Variants in PTK2 observed in about 807,000 individuals in gnomAD.
The protein encoded by PTK2 is protein tyrosine kinase 2, also known as focal adhesion kinase 1.
PTK2 carries 45 observed loss-of-function variants against 150.1 expected under a neutral mutation model. That is an observed-to-expected ratio of 0.30 (90% CI 0.24 to 0.38). The LOEUF (loss-of-function observed/expected upper bound fraction) is 0.38. Among genes scored for constraint, PTK2 ranks in the 10% least tolerant of loss-of-function variants. The pLI is 1.00. For synonymous variants in PTK2, 432 were observed against 449.2 expected, an observed-to-expected ratio of 0.96 and a Z score of 0.48; for missense variants, 919 against 1,307.3, an observed-to-expected ratio of 0.70 and a Z score of 4.58.
intron 13 of PTK2, among the ~76,000 whole-genome samples, chr8:140,791,485 T>A (rs1327752342): frequency 6.6e-6 from 1 of 152,146 alleles, no homozygotes; most frequent in East Asian, 1.9e-4. Flanking sequence ...AAGCTAGAGG[T>A]GCACTAGCCA....
chr8:140,768,610 A>G (rs1262059236), intron 14 of PTK2, among the ~76,000 whole-genome samples: 1 of 152,216 alleles, frequency 6.6e-6, no homozygotes, highest in Non-Finnish European at 1.5e-5. Context: ...TCCTCTGATT[A>G]TCACTTTCCT....
At chr8:140,735,520 G>C in intron 21 of PTK2, 65 bp from the exon 25 acceptor site, 2 of 1,535,406 alleles carry the variant, frequency 1.3e-6, no homozygotes, top group Non-Finnish European at 1.8e-6. Context: ...CCAGGTTCCA[G>C]GAACATTGTT....
In PTK2 at chr8:140,671,788, T is replaced by C. The variant is rs551165512; in HGVS notation, c.2709+2510A>G. On this transcript the variant is annotated intron_variant, in intron 29 of 31. Transcript: ENST00000522684. ...AAAAAAAAAAAAAAAAAAAATTAGA[T>C]GGGCCTGGTGGCGGGTGCCTGTAGT... Among the ~76,000 whole-genome samples, 12 of 142,598 alleles carry C rather than the reference T, an allele frequency of 8.4e-5. No homozygotes were observed. In the East Asian group the frequency reaches 1.7e-3, roughly 20 times the overall value. The allele number at this position is 142,598 out of a possible 152,430, so 93.5% of individuals were successfully genotyped here.
intron 4 of PTK2, among the ~76,000 whole-genome samples, chr8:140,878,357 T>G (rs991306758): frequency 6.6e-6 from 1 of 152,204 alleles, no homozygotes; most frequent in Non-Finnish European, 1.5e-5. Flanking sequence ...CCCAACACTT[T>G]GGGAGGCCAA....
At position 140,713,819 on chromosome 8, in the gene PTK2, T is replaced by A. The variant is rs190611974; in HGVS notation, c.2142+3779A>T. 5.9e-5 allele frequency among the ~76,000 whole-genome samples: 9 copies of A among 152,372 alleles called. No individual in the cohort carries two copies. The East Asian group carries it at 1.3e-3, about 23-fold the overall frequency. ...TGAAGTGATCCATACATATTCTTAA[T>A]AATTGGCTTTGTGGTTATAATGCTT... On this transcript the variant is annotated intron_variant, in intron 23 of 31. Transcript: ENST00000522684.
intron 31 of PTK2, among the ~76,000 whole-genome samples, chr8:140,662,070 G>T (rs1361657969): frequency 6.6e-6 from 1 of 152,212 alleles, no homozygotes; most frequent in East Asian, 1.9e-4. Flanking sequence ...GACCGAGGTA[G>T]GAGGATGGCT....
intron 1 of PTK2, among the ~76,000 whole-genome samples, chr8:140,941,503 A>G (rs973683589): frequency 6.6e-6 from 1 of 152,238 alleles, no homozygotes; most frequent in East Asian, 1.9e-4. Flanking sequence ...CACACATTAT[A>G]GTATATCCTG....
At position 140,910,553 on chromosome 8, in the gene PTK2, T is replaced by TTG. The variant is rs1354216313; in HGVS notation, c.-33+15107_-33+15108insCA. Among the ~76,000 whole-genome samples, 514 of 152,288 alleles carry TTG rather than the reference T, an allele frequency of 3.4e-3. 6 individuals carry two copies. The highest frequency in any genetic ancestry group is 0.012 in the African/African-American group (485 of 41,540). On this transcript the variant is annotated intron_variant, in intron 2 of 31. Coordinates refer to ENST00000522684, the Ensembl canonical transcript of PTK2. ...ATTAAGGGACTCCAACCCTTGAAAGTGACTGCTATAGAAGTCTTTCTTCTA... is the reference window on the plus strand; with the variant it reads ...ATTAAGGGACTCCAACCCTTGAAAGTTGGACTGCTATAGAAGTCTTTCTTCTA...
chr8:140,752,357 AG>A (rs2100063271), intron 16 of PTK2, 41 bp from the exon 20 acceptor site: 1 of 1,563,468 alleles, frequency 6.4e-7, no homozygotes, highest in African/African-American at 1.4e-5. Context: ...ACATGCAAAA[AG>A]GTTTGCTATA....
chr8:140,765,574 C>A (rs2100071821), intron 14 of PTK2, among the ~76,000 whole-genome samples: 1 of 152,038 alleles, frequency 6.6e-6, no homozygotes, highest in Non-Finnish European at 1.5e-5. Flanking sequence ...TCCTATATGA[C>A]AGGCAGATAA....
intron 29 of PTK2, 70 bp downstream of exon 33, chr8:140,669,657 A>G (rs548785021): frequency 2.2e-5 from 33 of 1,469,422 alleles, no homozygotes; most frequent in Non-Finnish European, 3.0e-5. Context: ...TTTCCAGTCC[A>G]AAGTTACATG....
intron 7 of PTK2, among the ~76,000 whole-genome samples, chr8:140,840,395 AAAT>A (rs1187603913): frequency 6.6e-6 from 1 of 151,682 alleles, no homozygotes; most frequent in Admixed American, 6.6e-5. Flanking sequence ...GGAAAGCCAA[AAAT>A]AATAACTGTA....
chr8:140,680,835 C>T (rs1399337620), intron 27 of PTK2, among the ~76,000 whole-genome samples: 2 of 151,284 alleles, frequency 1.3e-5, no homozygotes, highest in African/African-American at 4.9e-5. Flanking sequence ...CGACTGGGTG[C>T]TATTTTATAT....
intron 1 of PTK2, among the ~76,000 whole-genome samples, chr8:140,928,873 T>A (rs1057267263): frequency 6.6e-6 from 1 of 151,702 alleles, no homozygotes; most frequent in African/African-American, 2.4e-5. Flanking sequence ...AAATGTAATA[T>A]ACTTAATACT....
chr8:140,979,612 A>C, intron 1 of PTK2, among the ~76,000 whole-genome samples: 1 of 152,322 alleles, frequency 6.6e-6, no homozygotes, highest in Middle Eastern at 3.4e-3. Context: ...GGAGTGATAC[A>C]GTTTGGCTGT....
At chr8:140,959,379 A>C (rs1197953221) in intron 1 of PTK2, among the ~76,000 whole-genome samples, 1 of 151,586 alleles carries the variant, frequency 6.6e-6, no homozygotes, top group Non-Finnish European at 1.5e-5. Context: ...AAATACAAAA[A>C]AAAAAAAAAA....
intron 1 of PTK2, among the ~76,000 whole-genome samples, chr8:140,965,418 T>C (rs1368220391): frequency 6.6e-6 from 1 of 152,138 alleles, no homozygotes; most frequent in Non-Finnish European, 1.5e-5. Context: ...CTTCACTCAA[T>C]ATAGGTTATT....
At chr8:140,789,504 C>T (rs146526688) in exon 14 of PTK2, 5 of 1,613,436 alleles carry the variant, frequency 3.1e-6, no homozygotes, top group South Asian at 1.1e-5. Context: ...GTCCGCATGC[C>T]TTGCTTTTCG....
At chr8:140,717,425 CAT>C (rs2100040328) in intron 23 of PTK2, among the ~76,000 whole-genome samples, 171 bp downstream of exon 26, 1 of 152,178 alleles carries the variant, frequency 6.6e-6, no homozygotes, top group Non-Finnish European at 1.5e-5. Flanking sequence ...AGTGAGTGCA[CAT>C]GAGGGTAATA....
Sources: gnomAD v4.1 joint callset for allele counts (sites outside exome capture counted in the v4.1 genomes callset) on GRCh38, gnomAD v4.1.1 for gene constraint, MANE v1.5 for transcripts, NCBI Gene and HGNC (gene_info 2026-07-23, HGNC 2026-07-21) for gene names.